SCFD2: variants seen among roughly 807,000 people sequenced by gnomAD.
SCFD2 encodes the protein sec1 family domain-containing protein 2.
Under a neutral mutation model 58.9 loss-of-function variants are expected in SCFD2, and 54 were observed. The observed-to-expected ratio is 0.92, with a 90% CI of 0.74 to 1.15. The LOEUF (loss-of-function observed/expected upper bound fraction) is 1.15, where lower values mean the gene tolerates loss of function less well. SCFD2 is among the 50% of genes most tolerant of loss of function. The probability of loss-of-function intolerance (pLI) is 0.00; values close to 1 mark genes in which losing one functional copy is unlikely to be tolerated. For missense variants in SCFD2, 805 were observed against 836.6 expected (o/e 0.96, Z 0.47); for synonymous variants, 321 against 335.9 (o/e 0.96, Z 0.49).
intron 7 of SCFD2, among the ~76,000 whole-genome samples, chr4:52,893,509 C>T (rs1370874985): frequency 6.6e-6 from 1 of 152,210 alleles, no homozygotes; most frequent in African/African-American, 2.4e-5. Flanking sequence ...TCCTTTACCC[C>T]TGCTGTATAT....
chr4:52,965,930 A>T (rs1015765829), intron 5 of SCFD2, among the ~76,000 whole-genome samples: 4 of 152,250 alleles, frequency 2.6e-5, no homozygotes, highest in Non-Finnish European at 5.9e-5. Flanking sequence ...TTGTAATTCA[A>T]ACAACATGGG....
At chr4:53,207,459 G>T (rs577437970) in intron 4 of SCFD2, among the ~76,000 whole-genome samples, 4 of 98,116 alleles carry the variant, frequency 4.1e-5, no homozygotes, top group African/African-American at 1.7e-4. Context: ...AACAAAACAT[G>T]GCTGAGTAGT....
intron 2 of SCFD2, among the ~76,000 whole-genome samples, chr4:53,338,575 C>CTTTTTTTTTATTTTTTTTTTTTT (rs1733753004): frequency 1.4e-5 from 1 of 72,296 alleles, no homozygotes; most frequent in African/African-American, 5.1e-5. Flanking sequence ...GTATATTTTT[C>CTTTTTTTTTATTTTTTTTTTTTT]TTTTTTTTTT....
intron 5 of SCFD2, among the ~76,000 whole-genome samples, chr4:53,024,639 T>C (rs894580815): frequency 6.6e-6 from 1 of 151,734 alleles, no homozygotes; most frequent in African/African-American, 2.4e-5. Context: ...AATAAAATAT[T>C]CCCATGTTTT....
At chr4:53,202,349 T>C (rs561586717) in intron 4 of SCFD2, among the ~76,000 whole-genome samples, 1 of 152,214 alleles carries the variant, frequency 6.6e-6, no homozygotes, top group East Asian at 1.9e-4. Context: ...TACGTGGCAT[T>C]ATTTCTGAGG....
At chr4:53,141,271 G>A (rs999779077) in intron 5 of SCFD2, among the ~76,000 whole-genome samples, 1 of 152,134 alleles carries the variant, frequency 6.6e-6, no homozygotes, top group African/African-American at 2.4e-5. Context: ...CAGTTAAGAT[G>A]AGAGGAAATA....
chr4:52,948,446 A>G, intron 5 of SCFD2: 1 of 452,362 alleles, frequency 2.2e-6, no homozygotes. Context: ...TCTCAGCCTC[A>G]GTTTCTGCTT....
chr4:52,884,847 C>T (rs952145552), intron 8 of SCFD2, among the ~76,000 whole-genome samples: 4 of 152,148 alleles, frequency 2.6e-5, no homozygotes, highest in African/African-American at 7.2e-5. Flanking sequence ...TGCTCAAAAA[C>T]GGCCGGGAAT....
At chr4:52,968,295 A>C (rs182681634) in intron 5 of SCFD2, among the ~76,000 whole-genome samples, 7 of 152,352 alleles carry the variant, frequency 4.6e-5, no homozygotes, top group Non-Finnish European at 8.8e-5. Context: ...GCTGTGCACA[A>C]AAGATATTCT....
chr4:53,361,704 T>C (rs571003152), intron 1 of SCFD2, among the ~76,000 whole-genome samples: 29 of 152,342 alleles, frequency 1.9e-4, no homozygotes, highest in African/African-American at 7.0e-4. Context: ...TTTTTATCTA[T>C]AAAATACTCA....
intron 5 of SCFD2, among the ~76,000 whole-genome samples, chr4:53,069,611 A>G (rs1413649961): frequency 1.3e-5 from 2 of 152,054 alleles, no homozygotes; most frequent in East Asian, 3.9e-4. Flanking sequence ...TTTGTTTATC[A>G]ATTTTCTTAT....
At chr4:53,203,337 A>G (rs368668169) in intron 4 of SCFD2, among the ~76,000 whole-genome samples, 3 of 151,690 alleles carry the variant, frequency 2.0e-5, no homozygotes, top group African/African-American at 7.3e-5. Flanking sequence ...ATGAATTTTA[A>G]AAAGAGAAGG....
chr4:53,163,824 T>C (rs1025924730), intron 4 of SCFD2, among the ~76,000 whole-genome samples: 2 of 152,192 alleles, frequency 1.3e-5, no homozygotes, highest in Non-Finnish European at 2.9e-5. Flanking sequence ...GATGGTAGTT[T>C]GGCAGAATTT....
At chr4:53,348,463 GATTT>G in intron 2 of SCFD2, among the ~76,000 whole-genome samples, 1 of 152,088 alleles carries the variant, frequency 6.6e-6, no homozygotes, top group East Asian at 1.9e-4. Flanking sequence ...GGAAAGTTGT[GATTT>G]ATTTCAATTC....
chr4:53,197,747 C>CAA lies in SCFD2; in HGVS notation c.1312-52167_1312-52166dup, dbSNP rs10717880. Among the ~76,000 whole-genome samples the CAA allele has an allele frequency of 7.0e-3, 674 of 96,536 alleles. 7 individuals carry two copies. Among genetic ancestry groups the CAA allele is most frequent in the African/African-American group, 9.6e-3 (251 of 26,236 alleles). 63.3% of individuals were successfully genotyped at this position (96,536 alleles called of 152,430 possible). A position where few individuals can be genotyped will look rare whatever the true frequency, so the allele number is the denominator to read the frequency against. On this transcript the variant is annotated intron_variant, in intron 4 of 8. Coordinates refer to ENST00000401642, the MANE Select transcript of SCFD2 (RefSeq NM_152540.4). Reference sequence around the variant, plus strand: ...TTGTAAATATGACATTAGAAGATGGCAAAAAAAAAAAAAAAAAAAAGAAAT... The same window carrying CAA: ...TTGTAAATATGACATTAGAAGATGGCAAAAAAAAAAAAAAAAAAAAAAGAAAT...
At chr4:53,029,108 C>G (rs1722552686) in intron 5 of SCFD2, among the ~76,000 whole-genome samples, 2 of 152,092 alleles carry the variant, frequency 1.3e-5, no homozygotes, top group Non-Finnish European at 2.9e-5. Flanking sequence ...AAATATCGAG[C>G]TGTAAAATTT....
chr4:53,310,976 A>T (rs1349534189), intron 3 of SCFD2, among the ~76,000 whole-genome samples: 1 of 152,226 alleles, frequency 6.6e-6, no homozygotes, highest in African/African-American at 2.4e-5. Context: ...AGGATGGGAG[A>T]ATTGTGCATA....
intron 5 of SCFD2, among the ~76,000 whole-genome samples, chr4:52,951,552 T>C (rs1354165333): frequency 6.6e-6 from 1 of 152,238 alleles, no homozygotes; most frequent in Non-Finnish European, 1.5e-5. Context: ...GGATGTGTTG[T>C]GGCAGAAGCA....
At chr4:53,325,654 T>C (rs1229396662) in intron 2 of SCFD2, among the ~76,000 whole-genome samples, 10 of 152,218 alleles carry the variant, frequency 6.6e-5, no homozygotes, top group Admixed American at 6.5e-4. Flanking sequence ...AAATCTTAAA[T>C]CCCAAAGGGA....
Sources: allele counts gnomAD v4.1 joint callset (sites outside exome capture counted in the v4.1 genomes callset), GRCh38; gene constraint gnomAD v4.1.1; transcripts MANE v1.5; gene names NCBI Gene and HGNC (gene_info 2026-07-23, HGNC 2026-07-21).